The following SPIN3 variants were observed in gnomAD, a reference collection of about 807,000 sequenced individuals.
SPIN3 encodes spindlin family member 3, also known as spindlin-3.
For missense variants in SPIN3, 176 were observed against 196.4 expected (o/e 0.90, Z 0.62); for synonymous variants, 74 against 74.3 (o/e 1.00, Z 0.02).
At position 56,994,936 on chromosome X, in the gene SPIN3, C is replaced by A. The variant is rs753148068; in HGVS notation, c.12G>T (p.Pro4=). The change falls in exon 2 of 2, where the codon CCG becomes CCT. Residue 4 remains proline (P), a synonymous_variant. Transcript: ENST00000374919. ...GCTGCCCTGCAGCTGCCTTTCCAAA[C>A]GGGGTCTTCATGCCTGCGAAGAGGA... MKT[P]FGKAAAGQRS... 8.4e-7 allele frequency: 1 copy of A among 1,192,635 alleles called. No individual in the cohort carries two copies. The highest frequency in any genetic ancestry group is 1.9e-5 in the South Asian group (1 of 53,932).
At chrX:56,981,302 A>C (rs1478509655) in intron 3 of SPIN3, among the ~76,000 whole-genome samples, 1 of 106,475 alleles carries the variant, frequency 9.4e-6, no homozygotes. Flanking sequence ...TGGAGGTTGC[A>C]GTGAGCCAAG....
chrX:56,986,797 C>A (rs1399089066), downstream of SPIN3, among the ~76,000 whole-genome samples: 6 of 112,034 alleles, frequency 5.4e-5, no homozygotes, highest in Non-Finnish European at 1.1e-4. Context: ...TAATCAGTGA[C>A]CTCTTAGCCA....
Position 56,994,772 on chromosome X carries a change from T to C in SPIN3, c.176A>G (p.Lys59Arg), listed in dbSNP as rs761866464. ...IVGCRIQHGW[K>R]DGDEPLTQWK... ...CTGTGTTAGAGGTTCATCTCCATCTTTCCATCCGTGCTGAATTCTGCAGCC... is the reference window on the plus strand; with the variant it reads ...CTGTGTTAGAGGTTCATCTCCATCTCTCCATCCGTGCTGAATTCTGCAGCC... The change falls in exon 2 of 2, where the codon AAA becomes AGA. Residue 59 changes from lysine (K) to arginine (R), a missense_variant. By Grantham distance (26) the Lys-to-Arg change is conservative. Coordinates refer to ENST00000374919, the MANE Select transcript of SPIN3 (RefSeq NM_001010862.3). The C allele has an allele frequency of 8.3e-7, 1 of 1,211,900 alleles. No individual in the cohort carries two copies. The highest frequency in any genetic ancestry group is 1.1e-6 in the Non-Finnish European group (1 of 895,575).
chrX:56,994,199 T>C lies in SPIN3; in HGVS notation c.749A>G (p.Tyr250Cys). 8.3e-7 allele frequency: 1 copy of C among 1,207,351 alleles called. No homozygotes were observed. The highest frequency in any genetic ancestry group is 1.1e-6 in the Non-Finnish European group (1 of 893,572). The change falls in exon 2 of 2, where the codon TAT becomes TGT. Residue 250 changes from tyrosine to cysteine, a missense_variant. By Grantham distance (194) the Tyr-to-Cys change is radical. Transcript: ENST00000374919. ...FIKFDDDFHI[Y>C]VYDLVKTS is the part of the protein sequence containing the mutation. ...AGATGTTTTTACCAAATCGTAGACA[T>C]AGATATGGAAATCATCATCAAATTT...
intron 1 of SPIN3, 113 bp downstream of exon 1, chrX:56,995,103 C>T (rs906074050): frequency 1.6e-6 from 1 of 615,385 alleles, no homozygotes; most frequent in Non-Finnish European, 2.4e-6. Flanking sequence ...AATCAAGGCA[C>T]CCTGGCTGAG....
At position 56,994,240 on chromosome X, in the gene SPIN3, G is replaced by C; in HGVS notation, c.708C>G (p.Pro236=). The C allele has an allele frequency of 8.3e-7, 1 of 1,211,404 alleles. No individual in the cohort carries two copies. Among genetic ancestry groups the C allele is most frequent in the South Asian group, 1.8e-5 (1 of 56,877 alleles). The change falls in exon 2 of 2, where the codon CCC becomes CCG. Residue 236 remains proline, a synonymous_variant. Transcript: ENST00000374919. ...GMVIHQVEAK[P]SVYFIKFDDD... ...CATCAAATTTGATGAAGTACACAGA[G>C]GGTTTTGCTTCTACCTGATGAATGA...
downstream of SPIN3, among the ~76,000 whole-genome samples, chrX:56,986,315 G>A (rs1024953593): frequency 2.7e-5 from 3 of 111,667 alleles, no homozygotes; most frequent in South Asian, 1.1e-3. Context: ...GAGTCATGGC[G>A]AAAATCACAG....
Position 56,984,525 on chromosome X carries a change from A to T in SPIN3, c.226-47T>A, listed in dbSNP as rs1436000126. The T allele has an allele frequency of 1.5e-5, 5 of 323,453 alleles. No homozygotes were observed. The East Asian group carries it at 3.9e-4, about 25-fold the overall frequency. The allele number at this position is 323,453 out of a possible 1,213,427, so 26.7% of individuals were successfully genotyped here. On this transcript the variant is annotated intron_variant and NMD_transcript_variant, in intron 2 of 5. Transcript: ENST00000475785. ...TACAGTGGAGGAGCTGACATTTGAG[A>T]TTAAGTGAAAAAAAAAATTGTCACA...
chrX:56,980,933 G>GA (rs1234224783), intron 3 of SPIN3, among the ~76,000 whole-genome samples: 3 of 102,014 alleles, frequency 2.9e-5, no homozygotes, highest in South Asian at 4.2e-4. Flanking sequence ...GCATTAAAAA[G>GA]AAAAAAAATA....
chrX:56,990,755 T>A (rs933848313), downstream of SPIN3: 13 of 111,416 alleles, frequency 1.2e-4, no homozygotes, highest in African/African-American at 3.9e-4. Context: ...TGGGTTAGGG[T>A]CTGAAGGTTT....
At position 56,994,738 on chromosome X, in the gene SPIN3, TC is replaced by T. The variant is rs767227086; in HGVS notation, c.209del (p.Gly70GlufsTer9). 8.3e-7 allele frequency: 1 copy of T among 1,210,111 alleles called. No individual in the cohort carries two copies. Among genetic ancestry groups the T allele is most frequent in the African/African-American group, 1.7e-5 (1 of 57,220 alleles). ...TTACAGGTACCTGATCCAGAACGGTTCCTTTCCACTGTGTTAGAGGTTCATC... is the reference window on the plus strand; with the variant it reads ...TTACAGGTACCTGATCCAGAACGGTTCTTTCCACTGTGTTAGAGGTTCATC... ...DGDEPLTQWK[G>X]TVLDQVPVNP... On this transcript the variant is annotated frameshift_variant, in exon 2 of 2. Transcript: ENST00000374919. LOFTEE classifies it low-confidence loss of function (END_TRUNC).
At chrX:56,981,360 C>CAAA (rs34960496) in intron 3 of SPIN3, among the ~76,000 whole-genome samples, 1 of 39,209 alleles carries the variant, frequency 2.6e-5, no homozygotes, top group African/African-American at 9.5e-5. Flanking sequence ...GACTCCATCT[C>CAAA]AAAAAAAAAA....
At chrX:56,990,352 T>A (rs778830654), downstream of SPIN3, among the ~76,000 whole-genome samples, 216 of 111,875 alleles carry the variant, frequency 1.9e-3, 1 homozygote, top group South Asian at 3.4e-3. Context: ...AGATTTTTTT[T>A]AAATTTATAT....
chrX:56,990,162 C>A (rs1924300261), downstream of SPIN3, among the ~76,000 whole-genome samples: 1 of 111,203 alleles, frequency 9.0e-6, no homozygotes, highest in Admixed American at 9.6e-5. Flanking sequence ...TCATAGGACA[C>A]AGGTTATCTA....
intron 5 of SPIN3, chrX:56,977,211 A>G (rs1356892302): frequency 9.0e-6 from 1 of 111,579 alleles, no homozygotes; most frequent in African/African-American, 3.3e-5. Flanking sequence ...AAAGATAAGA[A>G]ATAAATATTT....
Position 56,993,907 on chromosome X carries a change from A to AT in SPIN3, c.*263dup, listed in dbSNP as rs1924414107. The AT allele has an allele frequency of 3.4e-6, 1 of 296,685 alleles. No individual in the cohort carries two copies. The highest frequency in any genetic ancestry group is 2.7e-5 in the African/African-American group (1 of 37,319). The allele number at this position is 296,685 out of a possible 1,213,427, so 24.5% of individuals were successfully genotyped here. ...CTTTAATCTATTAACACCACCCAAG[A>AT]TAAAAAAAAGTATGAGCCAATGGAT... On this transcript the variant is annotated 3_prime_UTR_variant, in exon 2 of 2. Coordinates refer to ENST00000374919, the MANE Select transcript of SPIN3 (RefSeq NM_001010862.3).
rs1924352843 is a variant in SPIN3 at position 56,992,047 on chromosome X, T to G, written c.*2124A>C. On this transcript the variant is annotated 3_prime_UTR_variant, in exon 2 of 2. Transcript: ENST00000374919. ...GAAAAAGGACTGCCCAAAATTAAAT[T>G]TCTAATTCAAAGTCCAAAATAATTA... The G allele has an allele frequency of 3.4e-6, 1 of 295,563 alleles. No homozygotes were observed. Among genetic ancestry groups the G allele is most frequent in the Admixed American group, 6.1e-5 (1 of 16,266 alleles). 24.4% of individuals were successfully genotyped at this position (295,563 alleles called of 1,213,427 possible). A position where few individuals can be genotyped will look rare whatever the true frequency, so the allele number is the denominator to read the frequency against.
chrX:56,992,617 A>G lies in SPIN3; in HGVS notation c.*1554T>C. On this transcript the variant is annotated 3_prime_UTR_variant, in exon 2 of 2. Transcript: ENST00000374919. ...GAAGATATCTTGCAGTACAGTCCCA[A>G]TATGATTGTACTGCCTTGAGTCCCA... The G allele has an allele frequency of 3.4e-6, 1 of 296,582 alleles. No individual in the cohort carries two copies. The allele number at this position is 296,582 out of a possible 1,213,427, so 24.4% of individuals were successfully genotyped here. A position where few individuals can be genotyped will look rare whatever the true frequency, so the allele number is the denominator to read the frequency against.
At chrX:56,987,569 G>A (rs1924247337), downstream of SPIN3, among the ~76,000 whole-genome samples, 1 of 111,270 alleles carries the variant, frequency 9.0e-6, no homozygotes, top group East Asian at 2.8e-4. Context: ...TCCCCTCTAT[G>A]AAAATGTAAG....
Sources: allele counts gnomAD v4.1 joint callset (sites outside exome capture counted in the v4.1 genomes callset), GRCh38; gene constraint gnomAD v4.1.1; transcripts MANE v1.5; gene names NCBI Gene and HGNC (gene_info 2026-07-23, HGNC 2026-07-21).